The following LOC112694756 variants were observed in gnomAD, a reference collection of about 807,000 sequenced individuals.
the LOC112694756 span, chr16:30,067,823 C>G: frequency 6.4e-6 from 5 of 787,206 alleles, no homozygotes; most frequent in African/African-American, 6.8e-5. Flanking sequence ...CCTCACAATT[C>G]TGAGAGAACA....
chr16:30,055,725 T>C, the LOC112694756 span, among the ~76,000 whole-genome samples: 1 of 152,144 alleles, frequency 6.6e-6, no homozygotes, highest in African/African-American at 2.4e-5. Flanking sequence ...CCCTGAGAAC[T>C]GAGAACTAAG....
the LOC112694756 span, among the ~76,000 whole-genome samples, chr16:30,063,235 G>A: frequency 2.6e-5 from 4 of 152,090 alleles, no homozygotes; most frequent in African/African-American, 7.2e-5. Flanking sequence ...TCTGTTCGTT[G>A]CACAGAGTAG....
At chr16:30,070,134 T>C in the LOC112694756 span, 3 of 1,614,062 alleles carry the variant, frequency 1.9e-6, no homozygotes, top group Admixed American at 1.7e-5. Context: ...GCCTTGCCTG[T>C]CAAGGAAAGT....
chr16:30,069,954 C>T, the LOC112694756 span: 2 of 1,614,036 alleles, frequency 1.2e-6, no homozygotes, highest in East Asian at 2.2e-5. Context: ...CCCTGCAGGC[C>T]TCTGCCCTGA....
At chr16:30,054,621 C>T in the LOC112694756 span, 1 of 395,928 alleles carries the variant, frequency 2.5e-6, no homozygotes, top group Non-Finnish European at 4.4e-6. Context: ...AAAAGGCAGG[C>T]TCAGGGCACA....
the LOC112694756 span, chr16:30,064,654 A>AAGGGC: frequency 7.6e-6 from 3 of 393,342 alleles, no homozygotes; most frequent in African/African-American, 4.1e-5. Flanking sequence ...GTGGCGGGAA[A>AAGGGC]AGGGCAGGGG....
At chr16:30,062,402 C>T in the LOC112694756 span, among the ~76,000 whole-genome samples, 37 of 151,284 alleles carry the variant, frequency 2.4e-4, no homozygotes, top group Middle Eastern at 3.4e-3. Flanking sequence ...CGTGGTGGCA[C>T]GTGCCTGTAA....
chr16:30,066,567 C>T, the LOC112694756 span, among the ~76,000 whole-genome samples: 1 of 152,222 alleles, frequency 6.6e-6, no homozygotes, highest in Admixed American at 6.5e-5. Context: ...TCCTGGGCTT[C>T]TCCTTGCTCT....
chr16:30,063,555 A>T, the LOC112694756 span, among the ~76,000 whole-genome samples: 1 of 152,138 alleles, frequency 6.6e-6, no homozygotes, highest in South Asian at 2.1e-4. Context: ...ACAAGGACTC[A>T]CTGCTGATTT....
chr16:30,068,292 C>T, the LOC112694756 span: 1 of 356,396 alleles, frequency 2.8e-6, no homozygotes, highest in South Asian at 2.2e-5. Flanking sequence ...TCTCGATCTC[C>T]TGATCTCGTG....
At chr16:30,064,365 A>G in the LOC112694756 span, 18 of 398,698 alleles carry the variant, frequency 4.5e-5, no homozygotes, top group Non-Finnish European at 7.5e-5. Flanking sequence ...AGAAGGAGCC[A>G]GGGAGGGTGG....
the LOC112694756 span, chr16:30,064,546 C>A: frequency 2.5e-6 from 1 of 398,734 alleles, no homozygotes; most frequent in Non-Finnish European, 4.4e-6. Flanking sequence ...TAGGGCCGAC[C>A]CAAGTCTTCC....
At chr16:30,067,515 C>T in the LOC112694756 span, 2 of 1,613,846 alleles carry the variant, frequency 1.2e-6, no homozygotes, top group Non-Finnish European at 1.7e-6. Context: ...GCGCTTCTAC[C>T]GCCAGCTGCT....
chr16:30,070,391 A>G, the LOC112694756 span: 1 of 638,984 alleles, frequency 1.6e-6, no homozygotes, highest in Admixed American at 2.5e-5. Flanking sequence ...GCACACTGCC[A>G]AATAAACAGC....
the LOC112694756 span, among the ~76,000 whole-genome samples, chr16:30,059,610 T>C: frequency 6.6e-6 from 1 of 151,246 alleles, no homozygotes; most frequent in Non-Finnish European, 1.5e-5. Context: ...TTGCCCAGGC[T>C]GGAATGCGGT....
the LOC112694756 span, among the ~76,000 whole-genome samples, chr16:30,060,964 A>C: frequency 6.6e-6 from 1 of 152,214 alleles, no homozygotes; most frequent in Admixed American, 6.5e-5. Context: ...CCACACCCTG[A>C]AACCTCAGCT....
the LOC112694756 span, chr16:30,067,037 A>G: frequency 1.3e-6 from 2 of 1,578,688 alleles, no homozygotes; most frequent in Non-Finnish European, 1.7e-6. Flanking sequence ...GAGTTAGGAA[A>G]GGTACAGGGG....
the LOC112694756 span, chr16:30,069,424 C>G: frequency 6.2e-7 from 1 of 1,614,042 alleles, no homozygotes; most frequent in Non-Finnish European, 8.5e-7. Context: ...TGCAAGGTGG[C>G]TGGCCGGGGA....
the LOC112694756 span, chr16:30,064,506 G>C: frequency 2.5e-6 from 1 of 398,736 alleles, no homozygotes; most frequent in Admixed American, 4.4e-5. Flanking sequence ...TGAAGCACCG[G>C]TGAGTGGGCA....
Sources: allele counts gnomAD v4.1 joint callset (sites outside exome capture counted in the v4.1 genomes callset), GRCh38; gene constraint gnomAD v4.1.1; transcripts MANE v1.5.